Variants in PIGQ observed in about 807,000 individuals in gnomAD.
PIGQ encodes phosphatidylinositol N-acetylglucosaminyltransferase subunit Q.
PIGQ carries 54 observed loss-of-function variants against 60.3 expected under a neutral mutation model. That is an observed-to-expected ratio of 0.90 (90% CI 0.72 to 1.12). The LOEUF (loss-of-function observed/expected upper bound fraction) is 1.12, where lower values mean the gene tolerates loss of function less well. PIGQ is among the 50% of genes most tolerant of loss of function. The probability of loss-of-function intolerance (pLI) is 0.00; values close to 1 mark genes in which losing one functional copy is unlikely to be tolerated. For synonymous variants in PIGQ, 416 were observed against 363.7 expected, an observed-to-expected ratio of 1.14 and a Z score of -1.64; for missense variants, 799 against 793.5, an observed-to-expected ratio of 1.01 and a Z score of -0.08.
chr16:572,126 G>C (rs1325819293), intron 1 of PIGQ, among the ~76,000 whole-genome samples: 1 of 152,172 alleles, frequency 6.6e-6, no homozygotes, highest in Non-Finnish European at 1.5e-5. Context: ...GGGCGTGATG[G>C]GTCCCTGGGC....
At chr16:579,926 T>G in intron 7 of PIGQ, 7 of 365,570 alleles carry the variant, frequency 1.9e-5, no homozygotes, top group South Asian at 1.0e-4. Context: ...ATGCAGAGCA[T>G]GTTCTTGGTG....
intron 10 of PIGQ, 104 bp from the exon 11 acceptor site, chr16:582,779 G>C: frequency 8.0e-7 from 1 of 1,251,428 alleles, no homozygotes; most frequent in African/African-American, 1.5e-5. Flanking sequence ...GGGAATGTCT[G>C]AGACAGCACT....
At chr16:581,119 G>A (rs2035803157) in intron 9 of PIGQ, 147 bp downstream of exon 9, 4 of 1,422,884 alleles carry the variant, frequency 2.8e-6, no homozygotes, top group Admixed American at 2.2e-5. Context: ...GGAGGACAGG[G>A]CCTCCTAGTC....
chr16:578,133 C>T (rs543216554), intron 4 of PIGQ: 13 of 457,120 alleles, frequency 2.8e-5, no homozygotes, highest in African/African-American at 2.0e-4. Context: ...GGGGGCCACG[C>T]GGATGCCCTG....
chr16:581,104 G>A, intron 9 of PIGQ, 132 bp downstream of exon 9: 4 of 1,399,122 alleles, frequency 2.9e-6, no homozygotes, highest in Non-Finnish European at 3.9e-6. Context: ...TGCGCAAGCG[G>A]GCAGGGAGGA....
intron 9 of PIGQ, 58 bp downstream of exon 9, chr16:581,030 G>A (rs2035801896): frequency 7.4e-7 from 1 of 1,345,110 alleles, no homozygotes; most frequent in African/African-American, 1.4e-5. Flanking sequence ...CCACACCTGT[G>A]GGCCCTGCAG....
rs748930380 is a variant in PIGQ at position 574,257 on chromosome 16, C to T, written c.183C>T (p.Ala61=). The change falls in exon 2 of 11, where the codon GCC becomes GCT. Residue 61 remains alanine, a synonymous_variant. Transcript: ENST00000321878. ...QVRQASQVGV[A]VLGTWCHCRQ... is the part of the protein sequence containing the mutation. ...GGCAGGCCAGCCAGGTGGGCGTGGC[C>T]GTGCTGGGCACCTGGTGCCACTGCC... 5.9e-5 allele frequency: 95 copies of T among 1,608,538 alleles called. No individual in the cohort carries two copies. Among genetic ancestry groups the T allele is most frequent in the Non-Finnish European group, 7.3e-5 (86 of 1,179,312 alleles).
chr16:574,334 T>C lies in PIGQ; in HGVS notation c.260T>C (p.Val87Ala). The C allele has an allele frequency of 1.2e-6, 2 of 1,608,628 alleles. No individual in the cohort carries two copies. The highest frequency in any genetic ancestry group is 2.2e-5 in the East Asian group (1 of 44,818). Residue 87 changes from valine to alanine, a missense_variant, in exon 2 of 11, where the codon GTC (valine) becomes GCC (alanine). Physicochemically the swap from Val to Ala is moderately conservative, Grantham distance 64. Transcript: ENST00000321878. ...CGCTTCCTGGAGAGCCTGGGTGCTGTCTTCCCCCATGAGCCCTGGCTGCGG... is the reference window on the plus strand; with the variant it reads ...CGCTTCCTGGAGAGCCTGGGTGCTGCCTTCCCCCATGAGCCCTGGCTGCGG... ...LGRFLESLGAVFPHEPWLRLC... is the reference protein window; with the variant it reads ...LGRFLESLGAAFPHEPWLRLC...
At chr16:573,969 T>C in intron 1 of PIGQ, 97 bp from the exon 2 acceptor site, 1 of 830,814 alleles carries the variant, frequency 1.2e-6, no homozygotes. Context: ...CCTGGGGCCC[T>C]GTGGCTGCAC....
In PIGQ at chr16:583,448, G is replaced by C. The variant is rs774960792; in HGVS notation, c.*413G>C. On this transcript the variant is annotated 3_prime_UTR_variant, in exon 11 of 11. Coordinates refer to ENST00000321878, the MANE Select transcript of PIGQ (RefSeq NM_004204.5). ...CCAGTGGCTCTGCCCTGGCTGTGGGGGTGGAGGGACCTTGCCAGGATGAAC... is the reference window on the plus strand; with the variant it reads ...CCAGTGGCTCTGCCCTGGCTGTGGGCGTGGAGGGACCTTGCCAGGATGAAC... 1.2e-6 allele frequency: 2 copies of C among 1,612,612 alleles called. No homozygotes were observed. The highest frequency in any genetic ancestry group is 2.2e-5 in the South Asian group (2 of 91,080).
At chr16:576,106 T>G (rs1245835415) in intron 3 of PIGQ, 28 bp from the exon 4 acceptor site, 1 of 1,545,452 alleles carries the variant, frequency 6.5e-7, no homozygotes, top group African/African-American at 1.4e-5. Context: ...GCCACCCTCA[T>G]GCCGGCCGGG....
In PIGQ at chr16:575,841, T is replaced by C. The variant is rs1357469420; in HGVS notation, c.692T>C (p.Val231Ala). ...SLVSAVSACR[V>A]FKLWPLSFLG... ...CACTCCTCTCCACTCCCACGCAGAG[T>C]GTTCAAGCTCTGGCCCCTGTCCTTC... is the stretch of plus-strand genomic sequence containing the variant. The change falls in exon 3 of 11, where the codon GTG becomes GCG. Residue 231 changes from valine (V) to alanine (A), a missense_variant and splice_region_variant. Transcript: ENST00000321878. 1.3e-6 allele frequency: 2 copies of C among 1,562,588 alleles called. No individual in the cohort carries two copies. The highest frequency in any genetic ancestry group is 1.9e-5 in the Admixed American group (1 of 53,694).
intron 1 of PIGQ, among the ~76,000 whole-genome samples, chr16:573,487 G>A (rs1277513206): frequency 1.3e-5 from 2 of 152,182 alleles, no homozygotes; most frequent in African/African-American, 4.8e-5. Context: ...CTTGTGGGAG[G>A]CAGGGACCTT....
In PIGQ at chr16:578,892, G is replaced by C; in HGVS notation, c.1177G>C (p.Ala393Pro). Residue 393 changes from alanine to proline, a missense_variant, in exon 6 of 11, where the codon GCC (alanine) becomes CCC (proline). Physicochemically the swap from Ala to Pro is conservative, Grantham distance 27. Coordinates refer to ENST00000321878, the MANE Select transcript of PIGQ (RefSeq NM_004204.5). ...CCTGTCCCTCCTCTCGGACATTATCGCCCTCCTCACCTTCCACATCTACTG... is the reference window on the plus strand; with the variant it reads ...CCTGTCCCTCCTCTCGGACATTATCCCCCTCCTCACCTTCCACATCTACTG... Reference protein sequence around the residue: ...VALSLLSDIIALLTFHIYCFY... With the variant: ...VALSLLSDIIPLLTFHIYCFY... 9 of 1,613,414 alleles carry C rather than the reference G, an allele frequency of 5.6e-6. No individual in the cohort carries two copies. The highest frequency in any genetic ancestry group is 7.6e-6 in the Non-Finnish European group (9 of 1,179,940).
chr16:582,760 C>A (rs1028944800), intron 10 of PIGQ, 123 bp from the exon 11 acceptor site: 2 of 1,099,852 alleles, frequency 1.8e-6, no homozygotes, highest in Non-Finnish European at 2.6e-6. Flanking sequence ...TGGCTTCTCC[C>A]ACAGGCAAGG....
At chr16:572,173 C>A (rs1026490463) in intron 1 of PIGQ, among the ~76,000 whole-genome samples, 1 of 152,186 alleles carries the variant, frequency 6.6e-6, no homozygotes, top group Non-Finnish European at 1.5e-5. Flanking sequence ...CTGGGTGGTC[C>A]CCTATGGTGG....
At chr16:571,943 CAAAG>C (rs950517600) in intron 1 of PIGQ, among the ~76,000 whole-genome samples, 14 of 151,908 alleles carry the variant, frequency 9.2e-5, no homozygotes, top group South Asian at 4.2e-4. Context: ...AGAATACACA[CAAAG>C]AAAGCGCACA....
chr16:579,990 G>A (rs754669361), intron 7 of PIGQ, 193 bp from the exon 8 acceptor site: 11 of 472,172 alleles, frequency 2.3e-5, no homozygotes, highest in Non-Finnish European at 2.6e-5. Context: ...GTCTCCCTGC[G>A]AGTCCCCTAG....
Position 583,743 on chromosome 16 carries a change from C to T in PIGQ, c.*708C>T, listed in dbSNP as rs773060992. ...CAGCCGTACCTATTCGTCCACGGTG[C>T]CCCGTAGCAGCAGGTCCTGCGGCCA... is the stretch of plus-strand genomic sequence containing the variant. On this transcript the variant is annotated 3_prime_UTR_variant, in exon 11 of 11. Coordinates refer to ENST00000321878, the MANE Select transcript of PIGQ (RefSeq NM_004204.5). 17 of 1,304,368 alleles carry T rather than the reference C, an allele frequency of 1.3e-5. No homozygotes were observed. The South Asian group carries it at 1.3e-4, about 10-fold the overall frequency. The allele number at this position is 1,304,368 out of a possible 1,614,324, so 80.8% of individuals were successfully genotyped here. A position where few individuals can be genotyped will look rare whatever the true frequency, so the allele number is the denominator to read the frequency against.
Sources: gnomAD v4.1 joint callset for allele counts (sites outside exome capture counted in the v4.1 genomes callset) on GRCh38, gnomAD v4.1.1 for gene constraint, MANE v1.5 for transcripts, NCBI Gene and HGNC (gene_info 2026-07-23, HGNC 2026-07-21) for gene names.